Variants in TENM2 observed in about 807,000 individuals in gnomAD.
The protein encoded by TENM2 is teneurin transmembrane protein 2, also known as teneurin-2.
TENM2 carries 52 observed loss-of-function variants against 245.2 expected under a neutral mutation model. That is an observed-to-expected ratio of 0.21 (90% CI 0.17 to 0.27). TENM2 has a LOEUF of 0.27. TENM2 is among the 10% of genes least tolerant of loss of function. The pLI, the probability that TENM2 is intolerant of heterozygous loss-of-function variation, is 1.00. For synonymous variants in TENM2, 1,363 were observed against 1,438.9 expected, an observed-to-expected ratio of 0.95 and a Z score of 1.19; for missense variants, 3,046 against 3,666.8, an observed-to-expected ratio of 0.83 and a Z score of 4.37.
chr5:167,949,410 G>A (rs910212367), intron 3 of TENM2, among the ~76,000 whole-genome samples: 1 of 152,142 alleles, frequency 6.6e-6, no homozygotes, highest in Non-Finnish European at 1.5e-5. Context: ...CTAGATAGAT[G>A]AAATTTGGAT....
chr5:167,630,570 G>A (rs950339274), intron 2 of TENM2, among the ~76,000 whole-genome samples: 3 of 152,102 alleles, frequency 2.0e-5, no homozygotes, highest in Non-Finnish European at 4.4e-5. Flanking sequence ...AAATAAGGGG[G>A]GAGTTATATA....
At chr5:167,740,957 A>G (rs1761138666) in intron 2 of TENM2, among the ~76,000 whole-genome samples, 1 of 152,088 alleles carries the variant, frequency 6.6e-6, no homozygotes, top group African/African-American at 2.4e-5. Flanking sequence ...GAACCTTGGC[A>G]TGTCTTCTGT....
At position 168,218,640 on chromosome 5, in the gene TENM2, T is replaced by C. The variant is rs778467437; in HGVS notation, c.4749T>C (p.Tyr1583=). 5.0e-6 allele frequency: 8 copies of C among 1,613,870 alleles called. No individual in the cohort carries two copies. The highest frequency in any genetic ancestry group is 6.8e-6 in the Non-Finnish European group (8 of 1,179,902). The stretch of plus-strand genomic sequence containing the variant: ...CTGTTCTTAATGCCTTCAACCAGTA[T>C]GAGGCTGCATCCCCCGGAGAGCAGG... Residue 1583 remains tyrosine, a synonymous_variant, in exon 23 of 29, where the codon TAT becomes TAC. Coordinates refer to ENST00000518659, the Ensembl canonical transcript of TENM2. This position sits in a 1 kb window ranked among gnomAD's most constrained non-coding sequence, Gnocchi z 5.2.
At chr5:167,050,255 A>G in the TENM2 span, among the ~76,000 whole-genome samples, 7 of 152,308 alleles carry the variant, frequency 4.6e-5, no homozygotes, top group African/African-American at 1.7e-4. Flanking sequence ...ACCTCCTGTC[A>G]GGTCAGCAGA....
chr5:168,007,013 C>G (rs576116101), intron 5 of TENM2, among the ~76,000 whole-genome samples: 14 of 152,286 alleles, frequency 9.2e-5, no homozygotes, highest in Middle Eastern at 6.8e-3. Flanking sequence ...AAGCTTATCT[C>G]TTTTTGAAGA....
At chr5:167,695,741 C>A (rs13169909) in intron 2 of TENM2, among the ~76,000 whole-genome samples, 43,960 of 144,814 alleles carry the variant, frequency 0.3, 6,749 homozygotes, top group East Asian at 0.44. Flanking sequence ...AAAAAAAAAA[C>A]AAAACAGAAT....
chr5:167,452,948 T>TATTTTTTTTTTTAA (rs1554157744), intron 2 of TENM2, among the ~76,000 whole-genome samples: 581 of 47,530 alleles, frequency 0.012, 52 homozygotes, highest in African/African-American at 0.037. Flanking sequence ...TATATATATA[T>TATTTTTTTTTTTAA]ATATATATAT....
chr5:167,945,164 C>T (rs1779508727), intron 3 of TENM2, among the ~76,000 whole-genome samples: 1 of 152,164 alleles, frequency 6.6e-6, no homozygotes, highest in African/African-American at 2.4e-5. Context: ...ATACCAGGCA[C>T]TGTAGCCTTA....
chr5:167,097,084 A>G, the TENM2 span, among the ~76,000 whole-genome samples: 4 of 152,056 alleles, frequency 2.6e-5, no homozygotes, highest in Non-Finnish European at 5.9e-5. Context: ...AATGCTAACT[A>G]TCGTCTTTTC....
chr5:167,109,725 A>G, the TENM2 span, among the ~76,000 whole-genome samples: 1 of 151,572 alleles, frequency 6.6e-6, no homozygotes, highest in South Asian at 2.1e-4. Flanking sequence ...CGTTCATCCT[A>G]ATAAAAGTGA....
At chr5:168,162,276 C>T (rs1205332786) in intron 12 of TENM2, among the ~76,000 whole-genome samples, 2 of 152,202 alleles carry the variant, frequency 1.3e-5, no homozygotes, top group Admixed American at 6.5e-5. Context: ...AGCATCAATC[C>T]TGAGCTATTG....
intron 1 of TENM2, among the ~76,000 whole-genome samples, chr5:167,293,368 A>ATTTTTTTTTTTTTTTTTTTTT (rs199972172): frequency 1.5e-5 from 2 of 130,542 alleles, no homozygotes; most frequent in Non-Finnish European, 1.6e-5. Context: ...TGTCCGGCTA[A>ATTTTTTTTTTTTTTTTTTTTT]TTTTTTTTTT....
chr5:168,080,064 C>CT (rs573244368), intron 7 of TENM2, among the ~76,000 whole-genome samples: 2 of 152,188 alleles, frequency 1.3e-5, no homozygotes, highest in East Asian at 3.9e-4. Flanking sequence ...TGGTCCTAGA[C>CT]TTTTTTTGGT....
the TENM2 span, among the ~76,000 whole-genome samples, chr5:166,981,777 T>C: frequency 0.036 from 5,452 of 152,246 alleles, 124 homozygotes; most frequent in Non-Finnish European, 0.049. Flanking sequence ...TTGTTTTTTT[T>C]ACCCAGCCAC....
chr5:167,275,274 A>T, the TENM2 span, among the ~76,000 whole-genome samples: 1 of 152,036 alleles, frequency 6.6e-6, no homozygotes, highest in African/African-American at 2.4e-5. Flanking sequence ...TGGCTCTATA[A>T]GTCTTAAGAT....
chr5:167,214,498 C>T, the TENM2 span, among the ~76,000 whole-genome samples: 1 of 152,134 alleles, frequency 6.6e-6, no homozygotes, highest in Admixed American at 6.5e-5. Context: ...TAAGACTCTC[C>T]CCTTTCTTTT....
At position 167,523,978 on chromosome 5, in the gene TENM2, T is replaced by A. The variant is rs549902360; in HGVS notation, c.502+148505T>A. On this transcript the variant is annotated intron_variant, in intron 2 of 28. Coordinates refer to ENST00000518659, the Ensembl canonical transcript of TENM2. ...AATGTGGTCTGATCCTTGAGTATCT[T>A]GGAGATAATGGTACCCCAGGTTACC... 2.2e-4 allele frequency among the ~76,000 whole-genome samples: 34 copies of A among 152,318 alleles called. 1 individual carries two copies. The South Asian group carries it at 6.4e-3, about 29-fold the overall frequency.
At chr5:167,346,473 C>T (rs1318935848) in intron 1 of TENM2, among the ~76,000 whole-genome samples, 4 of 152,148 alleles carry the variant, frequency 2.6e-5, no homozygotes, top group African/African-American at 9.7e-5. Context: ...AATGTTTTCT[C>T]TTAGACTTTT....
chr5:167,620,710 A>G (rs770832367), intron 2 of TENM2, among the ~76,000 whole-genome samples: 5 of 151,978 alleles, frequency 3.3e-5, no homozygotes, highest in Non-Finnish European at 7.4e-5. Context: ...TCCTCTTTCA[A>G]TGCTCCAGAG....
Sources: allele counts gnomAD v4.1 joint callset (sites outside exome capture counted in the v4.1 genomes callset), GRCh38; gene constraint gnomAD v4.1.1; non-coding constraint Gnocchi (gnomAD v3.1); transcripts MANE v1.5; gene names NCBI Gene and HGNC (gene_info 2026-07-23, HGNC 2026-07-21).